PDE4B: variants seen among roughly 807,000 people sequenced by gnomAD.
PDE4B encodes 3',5'-cyclic-AMP phosphodiesterase 4B.
PDE4B carries 20 observed loss-of-function variants against 82.2 expected under a neutral mutation model. The observed-to-expected ratio is 0.24, with a 90% CI of 0.17 to 0.35. PDE4B has a LOEUF of 0.35. PDE4B is among the 10% of genes least tolerant of loss of function. The pLI is 1.00. For missense variants in PDE4B, 655 were observed against 907.2 expected (o/e 0.72, Z 3.57); for synonymous variants, 320 against 318.9 (o/e 1.00, Z -0.04).
chr1:66,257,790 T>C lies in PDE4B; in HGVS notation c.514-3T>C, dbSNP rs1402466446. On this transcript the variant is annotated splice_polypyrimidine_tract_variant and splice_region_variant and intron_variant, in intron 5 of 16. Transcript: ENST00000341517. ...TTAACCGTTTAAAACATTTTTCTTCTAGGTCCTTGCCAGCTTGCGAAGTGT... is the reference window on the plus strand; with the variant it reads ...TTAACCGTTTAAAACATTTTTCTTCCAGGTCCTTGCCAGCTTGCGAAGTGT... The C allele has an allele frequency of 1.2e-6, 2 of 1,612,792 alleles. No homozygotes were observed. Among genetic ancestry groups the C allele is most frequent in the Non-Finnish European group, 1.7e-6 (2 of 1,178,980 alleles).
At chr1:66,195,852 G>C (rs931232164) in intron 3 of PDE4B, among the ~76,000 whole-genome samples, 4 of 151,684 alleles carry the variant, frequency 2.6e-5, no homozygotes, top group African/African-American at 7.3e-5. Flanking sequence ...AAAACTATTT[G>C]ATAAACATTT....
chr1:66,099,206 A>G (rs1161131997), intron 3 of PDE4B, among the ~76,000 whole-genome samples: 1 of 152,026 alleles, frequency 6.6e-6, no homozygotes, highest in African/African-American at 2.4e-5. Flanking sequence ...CTTATAAGTG[A>G]GAACATGCGG....
chr1:66,090,954 G>A (rs1415617515), intron 3 of PDE4B, among the ~76,000 whole-genome samples: 5 of 151,824 alleles, frequency 3.3e-5, no homozygotes, highest in Non-Finnish European at 7.4e-5. Flanking sequence ...GATGACAGTA[G>A]CTGTCACCAC....
intron 3 of PDE4B, among the ~76,000 whole-genome samples, chr1:66,099,786 G>T (rs1199584977): frequency 6.6e-6 from 1 of 152,078 alleles, no homozygotes; most frequent in South Asian, 2.1e-4. Context: ...TAAACTGACA[G>T]AGATGTGGTC....
At chr1:65,865,659 C>T (rs1571036473) in intron 1 of PDE4B, among the ~76,000 whole-genome samples, 1 of 152,128 alleles carries the variant, frequency 6.6e-6, no homozygotes, top group East Asian at 1.9e-4. Flanking sequence ...GTTTGCATTT[C>T]CCAGGTGAGG....
chr1:66,070,049 AG>A (rs1656072419), intron 3 of PDE4B, among the ~76,000 whole-genome samples: 1 of 152,018 alleles, frequency 6.6e-6, no homozygotes, highest in Non-Finnish European at 1.5e-5. Flanking sequence ...AATCTTGATC[AG>A]GGTATACACA....
chr1:66,271,174 C>G (rs1417702252), intron 7 of PDE4B, among the ~76,000 whole-genome samples: 1 of 152,226 alleles, frequency 6.6e-6, no homozygotes, highest in African/African-American at 2.4e-5. Flanking sequence ...TAAAATGTTT[C>G]CCTTAAGCAG....
At chr1:65,943,798 G>T (rs1648565681) in intron 3 of PDE4B, among the ~76,000 whole-genome samples, 1 of 151,854 alleles carries the variant, frequency 6.6e-6, no homozygotes, top group Admixed American at 6.6e-5. Flanking sequence ...ATAATTTGTT[G>T]TTAGTATATA....
At chr1:66,113,108 G>T (rs1645522660) in intron 3 of PDE4B, among the ~76,000 whole-genome samples, 1 of 152,158 alleles carries the variant, frequency 6.6e-6, no homozygotes, top group Non-Finnish European at 1.5e-5. Flanking sequence ...AATCAAGTGT[G>T]CGAATTGCAT....
intron 3 of PDE4B, among the ~76,000 whole-genome samples, chr1:66,128,400 C>T (rs1241186299): frequency 6.6e-6 from 1 of 152,128 alleles, no homozygotes; most frequent in East Asian, 1.9e-4. Flanking sequence ...TTGTTGCCAT[C>T]GTCTCATTAG....
At chr1:66,092,142 T>C (rs1330030671) in intron 3 of PDE4B, among the ~76,000 whole-genome samples, 1 of 152,046 alleles carries the variant, frequency 6.6e-6, no homozygotes, top group African/African-American at 2.4e-5. Flanking sequence ...GATCCCCAGA[T>C]TAAAGTAATG....
At chr1:66,262,385 C>T (rs1214822323) in intron 6 of PDE4B, among the ~76,000 whole-genome samples, 1 of 151,326 alleles carries the variant, frequency 6.6e-6, no homozygotes, top group East Asian at 1.9e-4. Flanking sequence ...CGTGAATTGC[C>T]CAAGGGCTAT....
intron 3 of PDE4B, among the ~76,000 whole-genome samples, chr1:66,093,619 G>T (rs536482779): frequency 6.6e-6 from 1 of 152,108 alleles, no homozygotes; most frequent in East Asian, 1.9e-4. Context: ...CTTTCCTGAG[G>T]CTTCTAACCA....
intron 3 of PDE4B, among the ~76,000 whole-genome samples, chr1:66,009,734 T>G (rs887009432): frequency 3.3e-5 from 5 of 152,128 alleles, no homozygotes; most frequent in Admixed American, 3.3e-4. Flanking sequence ...CTTGAATTCA[T>G]CTAATTGGAG....
chr1:66,114,915 G>A (rs2455017), intron 3 of PDE4B, among the ~76,000 whole-genome samples: 1 of 152,176 alleles, frequency 6.6e-6, no homozygotes, highest in Admixed American at 6.5e-5. Context: ...GGATTACAGG[G>A]GTGAGCCACC....
At chr1:66,226,608 A>G (rs547732278) in intron 3 of PDE4B, among the ~76,000 whole-genome samples, 3 of 152,334 alleles carry the variant, frequency 2.0e-5, no homozygotes, top group East Asian at 3.9e-4. Context: ...TGTGGCAAGG[A>G]AAGTTTGGTT....
intron 7 of PDE4B, among the ~76,000 whole-genome samples, chr1:66,310,464 C>G (rs900366351): frequency 6.6e-6 from 1 of 152,132 alleles, no homozygotes; most frequent in Non-Finnish European, 1.5e-5. Flanking sequence ...CATGGAATCC[C>G]TTGGACAATG....
intron 3 of PDE4B, among the ~76,000 whole-genome samples, chr1:65,927,780 C>T (rs1647589752): frequency 6.6e-6 from 1 of 152,034 alleles, no homozygotes. Flanking sequence ...TAATGGCTTC[C>T]ATTTGGCCTT....
intron 3 of PDE4B, among the ~76,000 whole-genome samples, chr1:65,998,550 G>A (rs937296034): frequency 6.6e-6 from 1 of 152,054 alleles, no homozygotes; most frequent in African/African-American, 2.4e-5. Context: ...GGGACAATGT[G>A]CATTTGAGAG....
Sources: gnomAD v4.1 joint callset for allele counts (sites outside exome capture counted in the v4.1 genomes callset) on GRCh38, gnomAD v4.1.1 for gene constraint, MANE v1.5 for transcripts, NCBI Gene and HGNC (gene_info 2026-07-23, HGNC 2026-07-21) for gene names.